CA5A: variants seen among roughly 807,000 people sequenced by gnomAD.
CA5A encodes carbonic anhydrase 5A.
Under a neutral mutation model 37.1 loss-of-function variants are expected in CA5A, and 28 were observed. That is an observed-to-expected ratio of 0.75 (90% CI 0.56 to 1.03). CA5A has a LOEUF of 1.03. Ranked by LOEUF, CA5A falls within the 50% of genes least tolerant of loss-of-function variation. The pLI, the probability that CA5A is intolerant of heterozygous loss-of-function variation, is 0.00. For synonymous variants in CA5A, 171 were observed against 158.4 expected (o/e 1.08, Z -0.60); for missense variants, 444 against 399.9 (o/e 1.11, Z -0.94).
At chr16:87,888,474 T>C (rs1013678150) in intron 6 of CA5A, among the ~76,000 whole-genome samples, 3 of 152,122 alleles carry the variant, frequency 2.0e-5, no homozygotes, top group Non-Finnish European at 4.4e-5. Flanking sequence ...TTAGGATCAC[T>C]TGCTCTGGGG....
In CA5A at chr16:87,904,811, A is replaced by G. The variant is rs1218715727; in HGVS notation, c.434T>C (p.Val145Ala). ...AVNEGGSEHT[V>A]DGHAYPAELH... is the part of the protein sequence containing the mutation. ...CTCTGCGGGGTACGCGTGGCCGTCCACTGTGTGCTCTGAGCCCCCCTCGTT... is the reference window on the plus strand; with the variant it reads ...CTCTGCGGGGTACGCGTGGCCGTCCGCTGTGTGCTCTGAGCCCCCCTCGTT... The change falls in exon 3 of 7, where the codon GTG (valine) becomes GCG (alanine). Residue 145 changes from valine (V) to alanine (A), a missense_variant. Coordinates refer to ENST00000649794, the MANE Select transcript of CA5A (RefSeq NM_001739.2). 1 of 1,611,072 alleles carries G rather than the reference A, an allele frequency of 6.2e-7. No homozygotes were observed. Among genetic ancestry groups the G allele is most frequent in the East Asian group, 2.2e-5 (1 of 44,866 alleles).
Position 87,923,496 on chromosome 16 carries a change from C to CT in CA5A, c.340+3251dup, listed in dbSNP as rs1319940386. The CT allele has an allele frequency of 3.1e-6, 3 of 973,102 alleles. No individual in the cohort carries two copies. The African/African-American group carries it at 5.3e-5, about 17-fold the overall frequency. 60.3% of individuals were successfully genotyped at this position (973,102 alleles called of 1,614,324 possible). A position where few individuals can be genotyped will look rare whatever the true frequency, so the allele number is the denominator to read the frequency against. Reference sequence around the variant, plus strand: ...AGCCAGCTCGCCCAGCCTGGCAGTGCTTTTAAAGGGGGTCTGTCCACATAC... The same window carrying CT: ...AGCCAGCTCGCCCAGCCTGGCAGTGCTTTTTAAAGGGGGTCTGTCCACATAC... On this transcript the variant is annotated intron_variant, in intron 2 of 6. Coordinates refer to ENST00000649794, the MANE Select transcript of CA5A (RefSeq NM_001739.2).
chr16:87,932,478 G>A (rs144571529), intron 1 of CA5A, among the ~76,000 whole-genome samples: 15 of 152,312 alleles, frequency 9.8e-5, no homozygotes, highest in African/African-American at 3.4e-4. Context: ...ATTGCCACCT[G>A]CACGGAGGCG....
In CA5A at chr16:87,911,708, A is replaced by G. The variant is rs2056055366; in HGVS notation, c.341-6804T>C. Among the ~76,000 whole-genome samples, 1 of 152,130 alleles carries G rather than the reference A, an allele frequency of 6.6e-6. No individual in the cohort carries two copies. Among genetic ancestry groups the G allele is most frequent in the South Asian group, 2.1e-4 (1 of 4,824 alleles). On this transcript the variant is annotated intron_variant, in intron 2 of 6. Coordinates refer to ENST00000649794, the MANE Select transcript of CA5A (RefSeq NM_001739.2). This position sits in a 1 kb window ranked among gnomAD's most constrained non-coding sequence, Gnocchi z 4.6. ...AGAACTCCGCGACGATGGAACCTAG[A>G]CTGCTCCCTGGAAGTTAGCCTCTGA...
intron 5 of CA5A, 149 bp from the exon 6 acceptor site, chr16:87,892,103 G>A: frequency 1.6e-6 from 1 of 625,680 alleles, no homozygotes; most frequent in Non-Finnish European, 2.6e-6. Flanking sequence ...ACACTTGCAA[G>A]CAGTGATGAG....
intron 1 of CA5A, among the ~76,000 whole-genome samples, chr16:87,934,544 G>A (rs373831459): frequency 1.3e-5 from 2 of 151,772 alleles, no homozygotes; most frequent in Non-Finnish European, 2.9e-5. Flanking sequence ...GCTCCAGCCT[G>A]GGCAACAAGA....
In CA5A at chr16:87,891,955, C is replaced by G; in HGVS notation, c.619-1G>C. ...AGGGGCGCATGGCCGCCCGCGCGTC[C>G]TGAGAGACCGAGAAGCACAGGACGT... On this transcript the variant is annotated splice_acceptor_variant, in intron 5 of 6. Transcript: ENST00000649794. LOFTEE classifies it high-confidence loss of function. 6.5e-7 allele frequency: 1 copy of G among 1,531,596 alleles called. No homozygotes were observed. Among genetic ancestry groups the G allele is most frequent in the Non-Finnish European group, 8.8e-7 (1 of 1,140,424 alleles). The allele number at this position is 1,531,596 out of a possible 1,614,324, so 94.9% of individuals were successfully genotyped here. A position where few individuals can be genotyped will look rare whatever the true frequency, so the allele number is the denominator to read the frequency against.
intron 6 of CA5A, among the ~76,000 whole-genome samples, chr16:87,890,411 G>A (rs2055696098): frequency 1.3e-5 from 2 of 152,138 alleles, no homozygotes; most frequent in Non-Finnish European, 2.9e-5. Flanking sequence ...CCGGGAGACT[G>A]AAAGACCCTC....
At position 87,911,041 on chromosome 16, in the gene CA5A, G is replaced by A. The variant is rs1379705485; in HGVS notation, c.341-6137C>T. On this transcript the variant is annotated intron_variant, in intron 2 of 6. Transcript: ENST00000649794. This position sits in a 1 kb window ranked among gnomAD's most constrained non-coding sequence, Gnocchi z 4.6. ...TGGGATTACAAGCATGAGCCACTGT[G>A]CCCAGCCTAAAGTGACTTTTCATAA... is the stretch of plus-strand genomic sequence containing the variant. Among the ~76,000 whole-genome samples, 1 of 148,688 alleles carries A rather than the reference G, an allele frequency of 6.7e-6. No homozygotes were observed. The highest frequency in any genetic ancestry group is 1.5e-5 in the Non-Finnish European group (1 of 67,762).
chr16:87,899,274 G>A (rs909692258), intron 5 of CA5A, among the ~76,000 whole-genome samples: 2 of 150,528 alleles, frequency 1.3e-5, no homozygotes, highest in Non-Finnish European at 1.5e-5. Context: ...TCCCAAGGCT[G>A]GGCCTTTTAC....
At chr16:87,895,132 C>T (rs1313828159) in intron 5 of CA5A, among the ~76,000 whole-genome samples, 1 of 152,148 alleles carries the variant, frequency 6.6e-6, no homozygotes, top group East Asian at 1.9e-4. Context: ...CGCCTGTGGT[C>T]CCAGGTAGTT....
At chr16:87,896,797 C>T (rs368468024) in intron 5 of CA5A, among the ~76,000 whole-genome samples, 3 of 152,212 alleles carry the variant, frequency 2.0e-5, no homozygotes, top group African/African-American at 4.8e-5. Flanking sequence ...TGCGCCATCA[C>T]GCCTGGCTAC....
At chr16:87,920,166 A>AC (rs1249795052) in intron 2 of CA5A, among the ~76,000 whole-genome samples, 1 of 151,988 alleles carries the variant, frequency 6.6e-6, no homozygotes, top group Non-Finnish European at 1.5e-5. Context: ...TAGCCAACTC[A>AC]CCCCTCACCC....
intron 2 of CA5A, among the ~76,000 whole-genome samples, chr16:87,915,526 A>ATTTTTTT (rs59358304): frequency 1.2e-4 from 9 of 72,982 alleles, no homozygotes; most frequent in Admixed American, 2.3e-4. Flanking sequence ...CTGTGTCAAA[A>ATTTTTTT]TTTTTTTTTT....
chr16:87,902,469 C>G lies in CA5A; in HGVS notation c.511G>C (p.Val171Leu). 1 of 1,612,716 alleles carries G rather than the reference C, an allele frequency of 6.2e-7. No homozygotes were observed. Among genetic ancestry groups the G allele is most frequent in the Non-Finnish European group, 8.5e-7 (1 of 1,178,698 alleles). The stretch of plus-strand genomic sequence containing the variant: ...ACAGCCAAACCATTCTCTCCCACGA[C>G]AGCTTCCTTGTAATTTTGGTATTTC... Reference protein sequence around the residue: ...SVKYQNYKEAVVGENGLAVIG... With the variant: ...SVKYQNYKEALVGENGLAVIG... Residue 171 changes from valine to leucine, a missense_variant, in exon 4 of 7, where the codon GTC becomes CTC. Transcript: ENST00000649794.
downstream of CA5A, chr16:87,887,208 C>T (rs1408730376): frequency 6.6e-6 from 1 of 150,876 alleles, no homozygotes; most frequent in African/African-American, 2.4e-5. Flanking sequence ...TGGCCTACTA[C>T]AGCTTTTGAA....
Position 87,936,338 on chromosome 16 carries a change from G to A in CA5A, c.113C>T (p.Ser38Phe), listed in dbSNP as rs770132207. 2.5e-6 allele frequency: 4 copies of A among 1,613,904 alleles called. No individual in the cohort carries two copies. Among genetic ancestry groups the A allele is most frequent in the Middle Eastern group, 1.7e-4 (1 of 6,060 alleles). Residue 38 changes from serine to phenylalanine, a missense_variant, in exon 1 of 7, where the codon TCC becomes TTC. Ser to Phe is a radical substitution (Grantham distance 155). Transcript: ENST00000649794. ...GTTATTGCTGGTTTGCCATGCACAGGAACGCTGAGAACACCATCGCCCTGG... is the reference window on the plus strand; with the variant it reads ...GTTATTGCTGGTTTGCCATGCACAGAAACGCTGAGAACACCATCGCCCTGG... ...MRPGRWCSQRSCAWQTSNNTL... is the reference protein window; with the variant it reads ...MRPGRWCSQRFCAWQTSNNTL...
chr16:87,926,248 TGTC>T (rs1169266722), intron 2 of CA5A, among the ~76,000 whole-genome samples: 3 of 151,854 alleles, frequency 2.0e-5, no homozygotes, highest in Non-Finnish European at 2.9e-5. Context: ...TAAAATAAAA[TGTC>T]GGCCAGGTCA....
At chr16:87,922,175 C>T (rs1298946506) in intron 2 of CA5A, among the ~76,000 whole-genome samples, 1 of 152,136 alleles carries the variant, frequency 6.6e-6, no homozygotes, top group Non-Finnish European at 1.5e-5. Flanking sequence ...TGTTGGTGCA[C>T]ACTGGTGTGT....
Sources: gnomAD v4.1 joint callset for allele counts (sites outside exome capture counted in the v4.1 genomes callset) on GRCh38, gnomAD v4.1.1 for gene constraint, Gnocchi (gnomAD v3.1) non-coding constraint, MANE v1.5 for transcripts, NCBI Gene and HGNC (gene_info 2026-07-23, HGNC 2026-07-21) for gene names.